DOCK10: variants seen among roughly 807,000 people sequenced by gnomAD.
The protein encoded by DOCK10 is dedicator of cytokinesis 10, also known as dedicator of cytokinesis protein 10.
Under a neutral mutation model 280.1 loss-of-function variants are expected in DOCK10, and 145 were observed. That is an observed-to-expected ratio of 0.52 (90% CI 0.45 to 0.59). The LOEUF (loss-of-function observed/expected upper bound fraction) is 0.59, where lower values mean the gene tolerates loss of function less well. DOCK10 is among the 20% of genes least tolerant of loss of function. The pLI, the probability that DOCK10 is intolerant of heterozygous loss-of-function variation, is 0.00. For synonymous variants in DOCK10, 915 were observed against 942.2 expected, an observed-to-expected ratio of 0.97 and a Z score of 0.53; for missense variants, 2,368 against 2,651.7, an observed-to-expected ratio of 0.89 and a Z score of 2.35.
intron 28 of DOCK10, among the ~76,000 whole-genome samples, chr2:224,820,343 C>A: frequency 6.6e-6 from 1 of 152,212 alleles, no homozygotes; most frequent in East Asian, 1.9e-4. Flanking sequence ...GCTACCACGG[C>A]CAAAGACTGC....
intron 41 of DOCK10, 44 bp downstream of exon 41, chr2:224,800,107 C>A (rs747071378): frequency 2.0e-5 from 24 of 1,187,854 alleles, no homozygotes; most frequent in Admixed American, 8.0e-5. Context: ...TTTTCTACCT[C>A]ATATTTCATC....
intron 1 of DOCK10, among the ~76,000 whole-genome samples, chr2:225,011,282 A>C (rs918959913): frequency 3.3e-5 from 5 of 152,208 alleles, no homozygotes; most frequent in Admixed American, 6.5e-5. Context: ...ACAGGTACAA[A>C]GAAAAAATGA....
intron 2 of DOCK10, among the ~76,000 whole-genome samples, chr2:224,917,460 G>A (rs1273757900): frequency 1.3e-5 from 2 of 151,822 alleles, no homozygotes; most frequent in South Asian, 2.1e-4. Flanking sequence ...TAATAATATC[G>A]TAAATAATCT....
chr2:224,813,068 G>T (rs1202128441), intron 31 of DOCK10, among the ~76,000 whole-genome samples: 3 of 152,216 alleles, frequency 2.0e-5, no homozygotes, highest in Non-Finnish European at 4.4e-5. Flanking sequence ...TCTATTAAGT[G>T]AGTAGGCCTT....
intron 2 of DOCK10, among the ~76,000 whole-genome samples, chr2:224,929,966 C>T (rs10173201): frequency 0.23 from 35,053 of 151,898 alleles, 4,537 homozygotes; most frequent in Non-Finnish European, 0.28. Flanking sequence ...TCTGTGAGGC[C>T]GAGATGGGTG....
At chr2:224,931,857 G>A (rs748237128) in intron 1 of DOCK10, among the ~76,000 whole-genome samples, 189 bp from the exon 2 acceptor site, 60 of 152,260 alleles carry the variant, frequency 3.9e-4, no homozygotes, top group Non-Finnish European at 7.8e-4. Context: ...GAAATAATAT[G>A]AGAAAATCCT....
intron 1 of DOCK10, among the ~76,000 whole-genome samples, chr2:224,959,045 C>T (rs1704212888): frequency 6.6e-6 from 1 of 152,210 alleles, no homozygotes; most frequent in Non-Finnish European, 1.5e-5. Flanking sequence ...TTAAAATTGG[C>T]ATCCTTCTTG....
chr2:224,798,018 C>A, intron 41 of DOCK10, 49 bp from the exon 42 acceptor site: 1 of 1,567,450 alleles, frequency 6.4e-7, no homozygotes, highest in South Asian at 1.1e-5. Flanking sequence ...AGAAAATTTT[C>A]ATTCTATCAA....
At chr2:224,787,187 A>T in intron 49 of DOCK10, 52 bp from the exon 50 acceptor site, 1 of 1,606,194 alleles carries the variant, frequency 6.2e-7, no homozygotes, top group South Asian at 1.1e-5. Flanking sequence ...CATACAAATA[A>T]GGGAGTTTTT....
chr2:224,984,604 C>T (rs1032717326), intron 1 of DOCK10, among the ~76,000 whole-genome samples: 6 of 140,912 alleles, frequency 4.3e-5, no homozygotes, highest in Non-Finnish European at 9.1e-5. Flanking sequence ...TCAATACACA[C>T]AACCATTATC....
At chr2:224,886,412 T>A in intron 5 of DOCK10, 47 bp downstream of exon 5, 1 of 1,563,480 alleles carries the variant, frequency 6.4e-7, no homozygotes, top group Non-Finnish European at 8.8e-7. Flanking sequence ...AGACAGAAAC[T>A]AATTATCCTC....
At chr2:225,022,368 C>T (rs1368086716) in intron 1 of DOCK10, among the ~76,000 whole-genome samples, 1 of 152,326 alleles carries the variant, frequency 6.6e-6, no homozygotes, top group Middle Eastern at 3.4e-3. Flanking sequence ...GTTCCACTTC[C>T]GCAGGTGCCC....
chr2:224,893,679 TAA>T (rs1401770360), intron 4 of DOCK10: 1 of 449,882 alleles, frequency 2.2e-6, no homozygotes, highest in African/African-American at 2.1e-5. Flanking sequence ...GTGAAAATCT[TAA>T]GAGTCAATAA....
chr2:224,989,358 CT>C (rs1202530832), intron 1 of DOCK10, among the ~76,000 whole-genome samples: 1 of 152,220 alleles, frequency 6.6e-6, no homozygotes, highest in Non-Finnish European at 1.5e-5. Flanking sequence ...GTAGCACTGC[CT>C]TTCCATGACA....
chr2:224,936,852 T>A (rs755737377), intron 1 of DOCK10, among the ~76,000 whole-genome samples: 1 of 152,146 alleles, frequency 6.6e-6, no homozygotes, highest in Non-Finnish European at 1.5e-5. Flanking sequence ...CTATCATATG[T>A]TCATGGAAAC....
At chr2:225,002,137 A>G (rs1706447431) in intron 1 of DOCK10, among the ~76,000 whole-genome samples, 1 of 152,154 alleles carries the variant, frequency 6.6e-6, no homozygotes, top group Non-Finnish European at 1.5e-5. Context: ...AGTGAGTTAG[A>G]GTATTTCAAA....
Position 224,876,035 on chromosome 2 carries a change from C to A in DOCK10, c.931+3G>T. 6.2e-7 allele frequency: 1 copy of A among 1,610,324 alleles called. No individual in the cohort carries two copies. Among genetic ancestry groups the A allele is most frequent in the East Asian group, 2.2e-5 (1 of 44,856 alleles). On this transcript the variant is annotated splice_donor_region_variant and intron_variant, in intron 8 of 55. Transcript: ENST00000258390. ...GAAGGAAGACGGCTTCATATGCTCT[C>A]ACCCAGACCCAGATCAGTGAGCTCT...
chr2:224,818,772 C>A (rs1457559758), intron 29 of DOCK10, among the ~76,000 whole-genome samples: 3 of 152,218 alleles, frequency 2.0e-5, no homozygotes, highest in Non-Finnish European at 1.5e-5. Flanking sequence ...TCTTTCCAAT[C>A]AATTCCCTTT....
intron 1 of DOCK10, among the ~76,000 whole-genome samples, chr2:225,013,349 C>T (rs409046): frequency 0.8 from 120,983 of 152,100 alleles, 48,270 homozygotes; most frequent in Middle Eastern, 0.89. Context: ...CTCAAAAGTA[C>T]ATCCACTGGT....
Sources: gnomAD v4.1 joint callset for allele counts (sites outside exome capture counted in the v4.1 genomes callset) on GRCh38, gnomAD v4.1.1 for gene constraint, MANE v1.5 for transcripts, NCBI Gene and HGNC (gene_info 2026-07-23, HGNC 2026-07-21) for gene names.